CSMD1: variants seen among roughly 807,000 people sequenced by gnomAD.
The protein encoded by CSMD1 is CUB and Sushi multiple domains 1.
Under a neutral mutation model 417.5 loss-of-function variants are expected in CSMD1, and 213 were observed. That is an observed-to-expected ratio of 0.51 (90% CI 0.46 to 0.57). CSMD1 has a LOEUF of 0.57. Ranked by LOEUF, CSMD1 falls within the 20% of genes least tolerant of loss-of-function variation. CSMD1 has a pLI of 0.00. For synonymous variants in CSMD1, 2,862 were observed against 1,736.8 expected (o/e 1.65, Z -16.11); for missense variants, 6,923 against 4,529.7 (o/e 1.53, Z -15.17).
At chr8:4,187,202 G>A (rs1798732606) in intron 3 of CSMD1, among the ~76,000 whole-genome samples, 1 of 152,112 alleles carries the variant, frequency 6.6e-6, no homozygotes, top group Admixed American at 6.5e-5. Flanking sequence ...GACATTGTTG[G>A]ATTCTGTTCA....
chr8:4,357,823 C>G (rs1022272594), intron 3 of CSMD1, among the ~76,000 whole-genome samples: 3 of 151,952 alleles, frequency 2.0e-5, no homozygotes, highest in Non-Finnish European at 4.4e-5. Context: ...AATAGTATTA[C>G]AAAATTTAAA....
chr8:3,325,229 A>G (rs978298475), intron 23 of CSMD1, among the ~76,000 whole-genome samples: 2 of 152,176 alleles, frequency 1.3e-5, no homozygotes, highest in Non-Finnish European at 2.9e-5. Flanking sequence ...ACTTCCTACA[A>G]ATGAACCTTG....
intron 7 of CSMD1, among the ~76,000 whole-genome samples, chr8:3,681,131 G>A (rs556548076): frequency 1.3e-5 from 2 of 152,166 alleles, no homozygotes; most frequent in African/African-American, 4.8e-5. Flanking sequence ...ACTGGCACAA[G>A]ACAGGGATGC....
intron 7 of CSMD1, among the ~76,000 whole-genome samples, chr8:3,622,698 G>C (rs541008353): frequency 1.1e-3 from 162 of 152,334 alleles, no homozygotes; most frequent in Non-Finnish European, 1.6e-3. Context: ...TTCTGAAACA[G>C]AGGGAGTTGT....
At chr8:4,276,862 A>G (rs1796516570) in intron 3 of CSMD1, among the ~76,000 whole-genome samples, 1 of 152,232 alleles carries the variant, frequency 6.6e-6, no homozygotes, top group Non-Finnish European at 1.5e-5. Flanking sequence ...CCTTAATCAG[A>G]AAATAAGTTA....
intron 3 of CSMD1, among the ~76,000 whole-genome samples, chr8:4,133,529 C>T (rs536716344): frequency 4.6e-5 from 7 of 152,226 alleles, no homozygotes; most frequent in African/African-American, 1.7e-4. Flanking sequence ...TCTACTTTTC[C>T]TTCTCCTCCT....
At position 4,045,861 on chromosome 8, in the gene CSMD1, T is replaced by A. The variant is rs150400363; in HGVS notation, c.416-13762A>T. 2.5e-3 allele frequency among the ~76,000 whole-genome samples: 379 copies of A among 152,288 alleles called. 1 individual carries two copies. Among genetic ancestry groups the A allele is most frequent in the African/African-American group, 8.7e-3 (360 of 41,564 alleles). ...TTTCTTTCAGACTCTGGCACTGCAT[T>A]ATTTTTTTTTTAATTAGAGTTTTTA... is the stretch of plus-strand genomic sequence containing the variant. On this transcript the variant is annotated intron_variant, in intron 3 of 69. Transcript: ENST00000635120.
At chr8:3,676,673 G>C (rs899149763) in intron 7 of CSMD1, among the ~76,000 whole-genome samples, 2 of 152,146 alleles carry the variant, frequency 1.3e-5, no homozygotes, top group African/African-American at 2.4e-5. Context: ...TATGAATCAA[G>C]TTCCATATCT....
chr8:4,891,011 A>T (rs981644912), intron 1 of CSMD1, among the ~76,000 whole-genome samples: 2 of 152,134 alleles, frequency 1.3e-5, no homozygotes, highest in African/African-American at 4.8e-5. Context: ...AGACCTCTCC[A>T]AATAAATAGA....
At chr8:3,400,767 T>C (rs1811991719) in intron 15 of CSMD1, among the ~76,000 whole-genome samples, 1 of 151,632 alleles carries the variant, frequency 6.6e-6, no homozygotes, top group African/African-American at 2.4e-5. Flanking sequence ...TAATAATGGA[T>C]AGCACTGGGA....
At chr8:2,949,225 C>T in intron 68 of CSMD1, 74 bp downstream of exon 68, 1 of 719,496 alleles carries the variant, frequency 1.4e-6, no homozygotes, top group Non-Finnish European at 2.3e-6. Context: ...GTCGTCTTTT[C>T]CATTTCTTCT....
intron 2 of CSMD1, among the ~76,000 whole-genome samples, chr8:4,448,320 G>C (rs537302282): frequency 6.6e-6 from 1 of 152,138 alleles, no homozygotes; most frequent in Non-Finnish European, 1.5e-5. Context: ...CGATCTAGGA[G>C]GATTTTTAAT....
At chr8:4,182,398 G>C (rs1009558169) in intron 3 of CSMD1, among the ~76,000 whole-genome samples, 1 of 152,038 alleles carries the variant, frequency 6.6e-6, no homozygotes, top group Non-Finnish European at 1.5e-5. Context: ...TTATTAGAGA[G>C]ATCAGTAAAT....
intron 1 of CSMD1, among the ~76,000 whole-genome samples, chr8:4,648,718 C>G (rs981803991): frequency 6.6e-6 from 1 of 152,114 alleles, no homozygotes; most frequent in Non-Finnish European, 1.5e-5. Flanking sequence ...TCCTCAGTGT[C>G]TTTGTGAATT....
chr8:4,198,948 A>G (rs1041911784), intron 3 of CSMD1, among the ~76,000 whole-genome samples: 3 of 134,050 alleles, frequency 2.2e-5, no homozygotes. Context: ...GTGTGTATTT[A>G]TCTTTTTTTA....
chr8:4,553,762 G>T (rs1438813749), intron 2 of CSMD1, among the ~76,000 whole-genome samples: 1 of 152,172 alleles, frequency 6.6e-6, no homozygotes. Flanking sequence ...TAACTGCTCA[G>T]AGTAACGTGT....
chr8:3,380,323 C>A (rs1810556193), intron 18 of CSMD1, among the ~76,000 whole-genome samples: 1 of 152,164 alleles, frequency 6.6e-6, no homozygotes, highest in South Asian at 2.1e-4. Context: ...TTGTGGAAGA[C>A]AGTGTGGTGA....
At chr8:3,816,756 C>T (rs986850188) in intron 5 of CSMD1, among the ~76,000 whole-genome samples, 1 of 151,984 alleles carries the variant, frequency 6.6e-6, no homozygotes, top group Non-Finnish European at 1.5e-5. Flanking sequence ...AATATGCATA[C>T]CTAATGTGTG....
At chr8:3,461,519 C>T (rs941475369) in intron 12 of CSMD1, among the ~76,000 whole-genome samples, 2 of 152,160 alleles carry the variant, frequency 1.3e-5, no homozygotes, top group African/African-American at 4.8e-5. Context: ...GATCTCTGCT[C>T]CCCGATCTCT....
Sources: allele counts gnomAD v4.1 joint callset (sites outside exome capture counted in the v4.1 genomes callset), GRCh38; gene constraint gnomAD v4.1.1; transcripts MANE v1.5; gene names NCBI Gene and HGNC (gene_info 2026-07-23, HGNC 2026-07-21).